The following MROH9 variants were observed in gnomAD, a reference collection of about 807,000 sequenced individuals.
MROH9 encodes maestro heat like repeat family member 9, also known as maestro heat-like repeat-containing protein family member 9.
Under a neutral mutation model 98.2 loss-of-function variants are expected in MROH9, and 92 were observed. The observed-to-expected ratio is 0.94, with a 90% CI of 0.79 to 1.11. MROH9 has a LOEUF of 1.11. Among genes scored for constraint, MROH9 ranks in the 50% most tolerant of loss-of-function variants. MROH9 has a pLI of 0.00. For missense variants in MROH9, 1,057 were observed against 1,014.8 expected (o/e 1.04, Z -0.57); for synonymous variants, 397 against 368.9 (o/e 1.08, Z -0.87).
chr1:170,997,862 G>C (rs1420207460), intron 14 of MROH9, among the ~76,000 whole-genome samples: 1 of 152,164 alleles, frequency 6.6e-6, no homozygotes, highest in African/African-American at 2.4e-5. Flanking sequence ...TCTCCCTTTA[G>C]TCAAGAATTG....
chr1:170,983,919 C>T (rs1009679124), intron 9 of MROH9, among the ~76,000 whole-genome samples: 1 of 152,286 alleles, frequency 6.6e-6, no homozygotes, highest in Middle Eastern at 3.4e-3. Context: ...AATCTGCAAA[C>T]ATCATAATGA....
In MROH9 at chr1:171,011,665, G is replaced by A. The variant is rs1283377362; in HGVS notation, c.1597-2452G>A. 3.2e-4 allele frequency among the ~76,000 whole-genome samples: 48 copies of A among 152,138 alleles called. 1 individual carries two copies. The highest frequency in any genetic ancestry group is 3.1e-3 in the Admixed American group (48 of 15,266). On this transcript the variant is annotated intron_variant, in intron 15 of 21. Transcript: ENST00000367759. ...GGAAAACCTACTAGGATGACGCCCAGACATGTGTAATGTATAAAAGCTGCC... is the reference window on the plus strand; with the variant it reads ...GGAAAACCTACTAGGATGACGCCCAAACATGTGTAATGTATAAAAGCTGCC...
Position 171,064,256 on chromosome 1 carries a change from G to A in MROH9, c.2502G>A (p.Lys834=). Residue 834 remains lysine (K), a synonymous_variant, in exon 22 of 22, where the codon AAG becomes AAA. Coordinates refer to ENST00000367759, the MANE Select transcript of MROH9 (RefSeq NM_001163629.2). Reference sequence around the variant, plus strand: ...AATTATTCTACATCAAAAAATTGAAGCCTCTTTACAATTATAACTCACCCA... The same window carrying A: ...AATTATTCTACATCAAAAAATTGAAACCTCTTTACAATTATAACTCACCCA... ...LLKLFYIKKL[K]PLYNYNSPNG... The A allele has an allele frequency of 6.4e-7, 1 of 1,551,446 alleles. No homozygotes were observed. The highest frequency in any genetic ancestry group is 2.4e-5 in the East Asian group (1 of 40,884).
At chr1:170,940,968 C>T (rs892927199) in intron 1 of MROH9, among the ~76,000 whole-genome samples, 8 of 152,256 alleles carry the variant, frequency 5.3e-5, no homozygotes, top group South Asian at 2.1e-4. Context: ...ATTCCAATTA[C>T]GCATTCCAGA....
intron 20 of MROH9, among the ~76,000 whole-genome samples, chr1:171,056,146 A>G (rs1653831830): frequency 6.6e-6 from 1 of 152,200 alleles, no homozygotes; most frequent in Admixed American, 6.5e-5. Context: ...GACCAGCACC[A>G]CAGCTGCAGC....
rs1343446222 is a variant in MROH9, at chr1:170,996,496, T to G, written c.1338-11T>G. ...GGCATGTGATGACTTTGCTCTCTTTTGGGGCTTTAGGTATGCCCAGGATGC... is the reference window on the plus strand; with the variant it reads ...GGCATGTGATGACTTTGCTCTCTTTGGGGGCTTTAGGTATGCCCAGGATGC... On this transcript the variant is annotated splice_polypyrimidine_tract_variant and intron_variant, in intron 13 of 21. Transcript: ENST00000367759. 3 of 1,612,052 alleles carry G rather than the reference T, an allele frequency of 1.9e-6. No individual in the cohort carries two copies. The highest frequency in any genetic ancestry group is 1.3e-5 in the African/African-American group (1 of 74,782).
intron 20 of MROH9, among the ~76,000 whole-genome samples, chr1:171,031,641 G>T (rs1051062172): frequency 6.6e-6 from 1 of 152,196 alleles, no homozygotes; most frequent in Non-Finnish European, 1.5e-5. Context: ...TCTGTTGAGA[G>T]ACGTACTTTT....
chr1:170,941,992 A>G (rs1047122741), intron 1 of MROH9, among the ~76,000 whole-genome samples: 1 of 152,278 alleles, frequency 6.6e-6, no homozygotes, highest in South Asian at 2.1e-4. Flanking sequence ...AGTTAGAGCC[A>G]TTTCCAACTC....
rs1314340418 is a variant in MROH9, at chr1:170,986,574, C to A, written c.743C>A (p.Thr248Asn). The A allele has an allele frequency of 3.7e-6, 6 of 1,613,278 alleles. No individual in the cohort carries two copies. Among genetic ancestry groups the A allele is most frequent in the Non-Finnish European group, 5.1e-6 (6 of 1,179,694 alleles). ...ESKIAQRVGQ[T>N]LLPPLLTDFV... ...TTGTGGTTGCAGAGAGTAGGGCAAA[C>A]CTTACTGCCTCCCTTGCTGACTGAC... The change falls in exon 10 of 22, where the codon ACC becomes AAC. Residue 248 changes from threonine (T) to asparagine (N), a missense_variant. Coordinates refer to ENST00000367759, the MANE Select transcript of MROH9 (RefSeq NM_001163629.2).
In MROH9 at chr1:170,970,655, A is replaced by G. The variant is rs376462436; in HGVS notation, c.481-1093A>G. 2.6e-5 allele frequency among the ~76,000 whole-genome samples: 4 copies of G among 151,590 alleles called. No individual in the cohort carries two copies. In the East Asian group the frequency reaches 5.8e-4, roughly 22 times the overall value. Reference sequence around the variant, plus strand: ...CACAATTCAATTATGGCCTTCGCCCATGACCTAGATGACCCAGGTCACTTC... The same window carrying G: ...CACAATTCAATTATGGCCTTCGCCCGTGACCTAGATGACCCAGGTCACTTC... On this transcript the variant is annotated intron_variant, in intron 7 of 21. Coordinates refer to ENST00000367759, the MANE Select transcript of MROH9 (RefSeq NM_001163629.2).
At chr1:171,062,278 G>A (rs147067822) in intron 21 of MROH9, 84 bp downstream of exon 21, 1 of 957,264 alleles carries the variant, frequency 1.0e-6, no homozygotes, top group South Asian at 1.6e-5. Context: ...TATGAGTTCT[G>A]TTAGAGTGCC....
chr1:170,960,788 A>G (rs1649988408), intron 5 of MROH9, among the ~76,000 whole-genome samples: 1 of 152,046 alleles, frequency 6.6e-6, no homozygotes, highest in South Asian at 2.1e-4. Flanking sequence ...ATACCTGGCT[A>G]ATTTTTGTTT....
At position 171,000,886 on chromosome 1, in the gene MROH9, G is replaced by T. The variant is rs529408044; in HGVS notation, c.1596+2612G>T. Among the ~76,000 whole-genome samples the T allele has an allele frequency of 9.9e-5, 15 of 151,860 alleles. No homozygotes were observed. The South Asian group carries it at 2.5e-3, about 25-fold the overall frequency. On this transcript the variant is annotated intron_variant, in intron 15 of 21. Transcript: ENST00000367759. ...TCTGGTCCTGGACTTTTTTTTGTTG[G>T]TAATTTTTTAATTACCGTTTCAATC...
At chr1:171,005,568 T>C (rs1651926880) in intron 15 of MROH9, among the ~76,000 whole-genome samples, 1 of 152,222 alleles carries the variant, frequency 6.6e-6, no homozygotes, top group South Asian at 2.1e-4. Flanking sequence ...TTAATCTTTT[T>C]CATATAGTTT....
chr1:170,945,488 G>T (rs1193593156), intron 1 of MROH9, 32 bp from the exon 2 acceptor site: 1 of 1,531,868 alleles, frequency 6.5e-7, no homozygotes, highest in African/African-American at 1.4e-5. Context: ...AAAGTTTCTG[G>T]TTTATGTACT....
chr1:171,015,124 A>C (rs1652284393), intron 16 of MROH9: 1 of 463,824 alleles, frequency 2.2e-6, no homozygotes, highest in South Asian at 1.6e-5. Flanking sequence ...ACATCCAATA[A>C]TAAATCGTTG....
intron 8 of MROH9, among the ~76,000 whole-genome samples, chr1:170,972,098 G>A (rs1228139152): frequency 6.6e-6 from 1 of 152,112 alleles, no homozygotes; most frequent in African/African-American, 2.4e-5. Flanking sequence ...ATAAAGTACT[G>A]TGCTTAGATT....
At chr1:171,008,633 G>T (rs1345226778) in intron 15 of MROH9, among the ~76,000 whole-genome samples, 2 of 152,220 alleles carry the variant, frequency 1.3e-5, no homozygotes, top group Non-Finnish European at 2.9e-5. Flanking sequence ...CCACACACCT[G>T]TAGTCACAGC....
rs985107487 is a variant in MROH9 at position 171,013,996 on chromosome 1, T to C, written c.1597-121T>C. The C allele has an allele frequency of 9.3e-6, 7 of 752,566 alleles. No individual in the cohort carries two copies. The African/African-American group carries it at 1.1e-4, about 11-fold the overall frequency. The allele number at this position is 752,566 out of a possible 1,614,324, so 46.6% of individuals were successfully genotyped here. ...CCACTGCTGTGAGCACTGAAATATA[T>C]GTATTTGATGTTTTAGTGAGATTTG... is the stretch of plus-strand genomic sequence containing the variant. On this transcript the variant is annotated intron_variant, in intron 15 of 21. Coordinates refer to ENST00000367759, the MANE Select transcript of MROH9 (RefSeq NM_001163629.2).
Sources: gnomAD v4.1 joint callset for allele counts (sites outside exome capture counted in the v4.1 genomes callset) on GRCh38, gnomAD v4.1.1 for gene constraint, MANE v1.5 for transcripts, NCBI Gene and HGNC (gene_info 2026-07-23, HGNC 2026-07-21) for gene names.